The following ITGAE variants were observed in gnomAD, a reference collection of about 807,000 sequenced individuals.
ITGAE encodes integrin subunit alpha E.
A neutral mutation model predicts 136.5 loss-of-function variants in ITGAE; 99 were observed. That is an observed-to-expected ratio of 0.73 (90% CI 0.62 to 0.86). The LOEUF (loss-of-function observed/expected upper bound fraction) is 0.86, where lower values mean the gene tolerates loss of function less well. Ranked by LOEUF, ITGAE falls within the 40% of genes least tolerant of loss-of-function variation. ITGAE has a pLI of 0.00. For synonymous variants in ITGAE, 613 were observed against 591.8 expected, an observed-to-expected ratio of 1.04 and a Z score of -0.52; for missense variants, 1,447 against 1,515.3, an observed-to-expected ratio of 0.95 and a Z score of 0.75.
In ITGAE at chr17:3,728,157, A is replaced by G. The variant is rs1482843203; in HGVS notation, c.2924T>C (p.Met975Thr). The change falls in exon 25 of 31, where the codon ATG becomes ACG. Residue 975 changes from methionine (M) to threonine (T), a missense_variant. This residue lies in a region of ITGAE where 1,031 missense variants were observed against 1,011.4 expected (regional missense o/e 1.02). Transcript: ENST00000263087. Reference protein sequence around the residue: ...FVAVLSKPSIMYVNTGQGLSH... With the variant: ...FVAVLSKPSITYVNTGQGLSH... ...AAGCCCCTGGCCTGTGTTCACGTAC[A>G]TTATGGATGGTCTGCAATTGACAGG... 6.2e-7 allele frequency: 1 copy of G among 1,613,002 alleles called. No individual in the cohort carries two copies. Among genetic ancestry groups the G allele is most frequent in the Non-Finnish European group, 8.5e-7 (1 of 1,178,972 alleles).
chr17:3,745,372 G>A (rs992513832), intron 18 of ITGAE, among the ~76,000 whole-genome samples: 2 of 152,084 alleles, frequency 1.3e-5, no homozygotes, highest in Non-Finnish European at 2.9e-5. Context: ...ATGGAGTCTT[G>A]CTCTTGTTGG....
intron 15 of ITGAE, among the ~76,000 whole-genome samples, 187 bp downstream of exon 15, chr17:3,751,463 G>A (rs1021705513): frequency 8.6e-5 from 13 of 151,864 alleles, no homozygotes; most frequent in Non-Finnish European, 1.5e-5. Flanking sequence ...CCAACCTGAA[G>A]GGGCTGAGGT....
chr17:3,758,448 T>TTTA (rs898031979), intron 8 of ITGAE, among the ~76,000 whole-genome samples: 12 of 151,862 alleles, frequency 7.9e-5, no homozygotes, highest in South Asian at 2.1e-4. Context: ...TTTATTTATT[T>TTTA]TTATTATTAT....
chr17:3,793,339 T>C (rs1050440539), intron 1 of ITGAE, among the ~76,000 whole-genome samples: 1 of 150,004 alleles, frequency 6.7e-6, no homozygotes, highest in Non-Finnish European at 1.5e-5. Flanking sequence ...GTGTGAGCCA[T>C]CATGCCCGGC....
Position 3,763,955 on chromosome 17 carries a change from A to G in ITGAE, c.161T>C (p.Leu54Pro). 1 of 1,611,688 alleles carries G rather than the reference A, an allele frequency of 6.2e-7. No individual in the cohort carries two copies. Among genetic ancestry groups the G allele is most frequent in the Non-Finnish European group, 8.5e-7 (1 of 1,178,348 alleles). ...QDPSTNQTWL[L>P]VTSPRTKRTP... ...CCTCTTGGTTCTGGGGCTGGTGACC[A>G]GGAGCCTGAGTGGGAGGGGAGGTTG... The change falls in exon 3 of 31, where the codon CTG becomes CCG. Residue 54 changes from leucine to proline, a missense_variant. Leu to Pro is a moderately conservative substitution (Grantham distance 98, BLOSUM62 -3). Around this residue, in one of 3 missense-constraint regions of ITGAE, gnomAD observed 106 missense variants for 87.8 expected, o/e 1.21. Coordinates refer to ENST00000263087, the MANE Select transcript of ITGAE (RefSeq NM_002208.5).
intron 7 of ITGAE, 74 bp from the exon 8 acceptor site, chr17:3,759,627 A>G: frequency 6.5e-7 from 1 of 1,546,706 alleles, no homozygotes. Context: ...TCCCGCTGGA[A>G]GCAGCAGAAA....
chr17:3,734,767 G>A, intron 21 of ITGAE, 50 bp downstream of exon 21: 1 of 1,609,154 alleles, frequency 6.2e-7, no homozygotes, highest in Non-Finnish European at 8.5e-7. Context: ...CAGGCATGCA[G>A]CGAGGGAGGG....
intron 1 of ITGAE, among the ~76,000 whole-genome samples, chr17:3,793,122 G>A (rs1038371461): frequency 5.3e-5 from 8 of 151,694 alleles, no homozygotes; most frequent in East Asian, 3.9e-4. Flanking sequence ...CACAACTTTC[G>A]TCTCACTGCA....
At chr17:3,761,776 C>T in intron 4 of ITGAE, 139 bp downstream of exon 4, 1 of 779,146 alleles carries the variant, frequency 1.3e-6, no homozygotes, top group Non-Finnish European at 2.1e-6. Flanking sequence ...ACAGTCAGCC[C>T]TGGGGTTGGC....
intron 2 of ITGAE, 149 bp from the exon 3 acceptor site, chr17:3,764,109 G>T: frequency 1.6e-6 from 1 of 618,170 alleles, no homozygotes; most frequent in Non-Finnish European, 2.9e-6. Context: ...GGATTATGGG[G>T]AAGACATTTG....
At position 3,729,540 on chromosome 17, in the gene ITGAE, C is replaced by T. The variant is rs762106136; in HGVS notation, c.2850G>A (p.Arg950=). The T allele has an allele frequency of 8.1e-6, 13 of 1,603,518 alleles. No individual in the cohort carries two copies. In the Admixed American group the frequency reaches 8.4e-5, roughly 10 times the overall value. Residue 950 remains arginine, a synonymous_variant, in exon 24 of 31, where the codon CGG becomes CGA. Transcript: ENST00000263087. ...TVTVTNSNER[R]SLANETHTLQ... ...GGGTGTGGGTCTCGTTGGCCAAAGA[C>T]CGTCTTTCATTGGAACTAGGAATAA...
Position 3,750,403 on chromosome 17 carries a change from T to C in ITGAE, c.1973A>G (p.Asp658Gly). 6.2e-7 allele frequency: 1 copy of C among 1,614,084 alleles called. No homozygotes were observed. The highest frequency in any genetic ancestry group is 8.5e-7 in the Non-Finnish European group (1 of 1,180,028). ...SMAGGFDISG[D>G]GLADITVGTL... is the part of the protein sequence containing the mutation. ...GCCCACGGTGATGTCGGCAAGGCCG[T>C]CGCCACTAATATCAAAGCCACCAGC... Residue 658 changes from aspartate to glycine, a missense_variant, in exon 16 of 31, where the codon GAC (aspartate) becomes GGC (glycine). This residue lies in a region of ITGAE where 1,031 missense variants were observed against 1,011.4 expected (regional missense o/e 1.02). Coordinates refer to ENST00000263087, the MANE Select transcript of ITGAE (RefSeq NM_002208.5).
Position 3,795,978 on chromosome 17 carries a change from CGT to C in ITGAE, c.34+5131_34+5132del, listed in dbSNP as rs1187089262. Among the ~76,000 whole-genome samples the C allele has an allele frequency of 2.4e-3, 98 of 41,116 alleles. 2 individuals carry two copies. Among genetic ancestry groups the C allele is most frequent in the African/African-American group, 0.011 (70 of 6,380 alleles). The allele number at this position is 41,116 out of a possible 152,430, so 27.0% of individuals were successfully genotyped here. A position where few individuals can be genotyped will look rare whatever the true frequency, so the allele number is the denominator to read the frequency against. On this transcript the variant is annotated intron_variant, in intron 1 of 30. Transcript: ENST00000263087. ...ATCCCTGTGTGTGCGTGTGTGCATCCGTGTGTGCATCTGTGTGTGCATCCGTG... is the reference window on the plus strand; with the variant it reads ...ATCCCTGTGTGTGCGTGTGTGCATCCGTGTGCATCTGTGTGTGCATCCGTG...
At chr17:3,757,276 G>T in intron 9 of ITGAE, 142 bp from the exon 10 acceptor site, 1 of 1,094,456 alleles carries the variant, frequency 9.1e-7, no homozygotes, top group Non-Finnish European at 1.3e-6. Flanking sequence ...CCTGCTCCCT[G>T]TTCTACCCAT....
At chr17:3,759,808 G>A (rs1333448786) in intron 7 of ITGAE, among the ~76,000 whole-genome samples, 3 of 152,228 alleles carry the variant, frequency 2.0e-5, no homozygotes, top group Non-Finnish European at 2.9e-5. Context: ...GATTGGTCAT[G>A]TGACTGGCTT....
chr17:3,725,826 C>A (rs1185363483), intron 26 of ITGAE: 1 of 1,612,150 alleles, frequency 6.2e-7, no homozygotes, highest in Non-Finnish European at 8.5e-7. Flanking sequence ...CATTCTACAC[C>A]AGCTCACAGC....
At chr17:3,725,577 G>T in intron 26 of ITGAE, 3 of 1,614,224 alleles carry the variant, frequency 1.9e-6, no homozygotes, top group Non-Finnish European at 2.5e-6. Context: ...CTTATCCGGT[G>T]AAGTGTGCAA....
At chr17:3,774,139 C>G (rs2052487932) in intron 2 of ITGAE, among the ~76,000 whole-genome samples, 1 of 150,424 alleles carries the variant, frequency 6.6e-6, no homozygotes, top group Non-Finnish European at 1.5e-5. Flanking sequence ...TCCCGCCCTG[C>G]CCAGCCAGGA....
At chr17:3,717,155 A>G (rs1356618534) in intron 29 of ITGAE, 2 of 198,598 alleles carry the variant, frequency 1.0e-5, no homozygotes, top group Non-Finnish European at 2.1e-5. Flanking sequence ...ACACTGCTCT[A>G]TGTCCCTGAG....
Sources: gnomAD v4.1 joint callset for allele counts (sites outside exome capture counted in the v4.1 genomes callset) on GRCh38, gnomAD v4.1.1 for gene constraint, gnomAD v4.1.1 regional missense constraint, MANE v1.5 for transcripts, NCBI Gene and HGNC (gene_info 2026-07-23, HGNC 2026-07-21) for gene names.